The following DCC variants were observed in gnomAD, a reference collection of about 807,000 sequenced individuals.
DCC encodes the protein netrin receptor DCC.
In DCC, 58 loss-of-function variants were observed where a neutral mutation model predicts 172.5. The ratio of observed to expected loss-of-function variants is 0.34; its 90% CI spans 0.27 to 0.42. DCC has a LOEUF of 0.42. Among genes scored for constraint, DCC ranks in the 10% least tolerant of loss-of-function variants. The pLI, the probability that DCC is intolerant of heterozygous loss-of-function variation, is 1.00. For synonymous variants in DCC, 709 were observed against 644.5 expected (o/e 1.10, Z -1.52); for missense variants, 1,740 against 1,791.0 (o/e 0.97, Z 0.51).
At chr18:53,214,009 C>T (rs12962705) in intron 11 of DCC, among the ~76,000 whole-genome samples, 6,833 of 151,804 alleles carry the variant, frequency 0.045, 194 homozygotes, top group East Asian at 0.11. Flanking sequence ...TGAGTGTACA[C>T]CATGTGCCTT....
chr18:53,195,502 G>A (rs1255403683), intron 9 of DCC, among the ~76,000 whole-genome samples: 6 of 152,090 alleles, frequency 3.9e-5, no homozygotes, highest in East Asian at 3.9e-4. Flanking sequence ...TCCTCAATAC[G>A]AGATGAAATG....
chr18:53,481,871 A>C (rs1034158917), intron 25 of DCC, among the ~76,000 whole-genome samples: 1 of 152,170 alleles, frequency 6.6e-6, no homozygotes, highest in Non-Finnish European at 1.5e-5. Flanking sequence ...TTTCTACTTG[A>C]AAAATTTTGT....
chr18:52,788,808 C>G (rs373488110), intron 2 of DCC, among the ~76,000 whole-genome samples: 154 of 152,078 alleles, frequency 1.0e-3, no homozygotes, highest in African/African-American at 3.7e-3. Context: ...GACAGACCCC[C>G]CAAAAATATT....
chr18:53,020,428 G>A (rs997744841), intron 5 of DCC, among the ~76,000 whole-genome samples: 4 of 152,072 alleles, frequency 2.6e-5, no homozygotes, highest in African/African-American at 7.2e-5. Context: ...ATATTAACAT[G>A]TTCATAAAAA....
At chr18:53,034,847 T>C (rs1321508842) in intron 5 of DCC, among the ~76,000 whole-genome samples, 1 of 152,064 alleles carries the variant, frequency 6.6e-6, no homozygotes, top group Non-Finnish European at 1.5e-5. Flanking sequence ...CCAACTTTTC[T>C]GTTGCTTGGA....
chr18:53,154,090 A>G (rs955426912), intron 7 of DCC, among the ~76,000 whole-genome samples: 3 of 152,176 alleles, frequency 2.0e-5, no homozygotes, highest in Non-Finnish European at 4.4e-5. Context: ...AGGAAAGGCA[A>G]ATCCCCTGGA....
At chr18:52,377,786 A>G (rs1270572270) in intron 1 of DCC, among the ~76,000 whole-genome samples, 1 of 150,884 alleles carries the variant, frequency 6.6e-6, no homozygotes, top group Non-Finnish European at 1.5e-5. Context: ...GGCTCACCAC[A>G]GATTCTGCCT....
intron 1 of DCC, among the ~76,000 whole-genome samples, chr18:52,526,004 T>G (rs2031970516): frequency 1.3e-5 from 2 of 152,234 alleles, no homozygotes; most frequent in African/African-American, 4.8e-5. Flanking sequence ...TATGTAACCT[T>G]TATTTTCTTT....
At chr18:53,441,656 G>A (rs1315770171) in intron 22 of DCC, among the ~76,000 whole-genome samples, 3 of 152,048 alleles carry the variant, frequency 2.0e-5, no homozygotes, top group Non-Finnish European at 4.4e-5. Context: ...ACTGTATTGT[G>A]TAACTGGCCA....
chr18:52,684,374 A>T (rs934308238), intron 1 of DCC, among the ~76,000 whole-genome samples: 3 of 71,860 alleles, frequency 4.2e-5, no homozygotes, highest in Non-Finnish European at 5.8e-5. Flanking sequence ...CTTCAAAGCT[A>T]ATTTCTTTCT....
chr18:52,699,089 T>A (rs1474385778), intron 1 of DCC, among the ~76,000 whole-genome samples: 1 of 152,214 alleles, frequency 6.6e-6, no homozygotes, highest in Non-Finnish European at 1.5e-5. Context: ...TCCCAAGGTT[T>A]GGCTTTAAAG....
chr18:52,408,580 G>C (rs1986736265), intron 1 of DCC, among the ~76,000 whole-genome samples: 1 of 151,964 alleles, frequency 6.6e-6, no homozygotes, highest in Non-Finnish European at 1.5e-5. Flanking sequence ...TAGATATTTA[G>C]TTCATATGCA....
intron 1 of DCC, among the ~76,000 whole-genome samples, chr18:52,466,282 T>C (rs983864166): frequency 6.6e-6 from 1 of 152,154 alleles, no homozygotes. Context: ...ATGTCCATGG[T>C]GGGTCTAACA....
chr18:52,487,810 C>CAAAAAAAAAA lies in DCC; in HGVS notation c.91+146949_91+146958dup, dbSNP rs5824940. Among the ~76,000 whole-genome samples the CAAAAAAAAAA allele has an allele frequency of 6.7e-5, 5 of 74,400 alleles. 1 individual carries two copies. Among genetic ancestry groups the CAAAAAAAAAA allele is most frequent in the East Asian group, 1.0e-3 (2 of 1,978 alleles). 48.8% of individuals were successfully genotyped at this position (74,400 alleles called of 152,430 possible). A position where few individuals can be genotyped will look rare whatever the true frequency, so the allele number is the denominator to read the frequency against. Reference sequence around the variant, plus strand: ...TGGGTGACAGAGTGAGACTCCACCTCAAAAAAAAAAAAAAAAAAAAAAAAA... The same window carrying CAAAAAAAAAA: ...TGGGTGACAGAGTGAGACTCCACCTCAAAAAAAAAAAAAAAAAAAAAAAAAAAAAAAAAAA... On this transcript the variant is annotated intron_variant, in intron 1 of 28. Transcript: ENST00000442544.
chr18:52,414,651 CA>C (rs1176324577), intron 1 of DCC, among the ~76,000 whole-genome samples: 3 of 152,142 alleles, frequency 2.0e-5, no homozygotes, highest in Admixed American at 1.3e-4. Flanking sequence ...ATGACATCTC[CA>C]ATAAAGCCAT....
intron 1 of DCC, among the ~76,000 whole-genome samples, chr18:52,664,474 T>TC (rs1190163675): frequency 1.2e-4 from 15 of 125,166 alleles, no homozygotes; most frequent in African/African-American, 2.2e-4. Context: ...CTTTTTCTTT[T>TC]TCTTTTTTTT....
chr18:52,618,946 T>G (rs541098057), intron 1 of DCC, among the ~76,000 whole-genome samples: 92 of 152,324 alleles, frequency 6.0e-4, no homozygotes, highest in African/African-American at 2.1e-3. Flanking sequence ...ATCTTTTTAT[T>G]TTTTTAATTG....
intron 3 of DCC, among the ~76,000 whole-genome samples, chr18:52,909,396 A>G (rs2039935790): frequency 6.6e-6 from 1 of 152,170 alleles, no homozygotes; most frequent in African/African-American, 2.4e-5. Context: ...TGACTGATGA[A>G]GTAATTTATA....
chr18:52,919,132 A>G (rs2040081800), intron 3 of DCC, among the ~76,000 whole-genome samples: 1 of 152,134 alleles, frequency 6.6e-6, no homozygotes, highest in African/African-American at 2.4e-5. Context: ...TCTGTCTTCC[A>G]TTTGGCTAGA....
Sources: allele counts gnomAD v4.1 joint callset (sites outside exome capture counted in the v4.1 genomes callset), GRCh38; gene constraint gnomAD v4.1.1; transcripts MANE v1.5; gene names NCBI Gene and HGNC (gene_info 2026-07-23, HGNC 2026-07-21).